The following SERAC1 variants were observed in gnomAD, a reference collection of about 807,000 sequenced individuals.
SERAC1 encodes serine active site containing 1.
Under a neutral mutation model 85.7 loss-of-function variants are expected in SERAC1, and 36 were observed. That is an observed-to-expected ratio of 0.42 (90% confidence interval 0.32 to 0.55). The LOEUF is 0.55. SERAC1 is among the 20% of genes least tolerant of loss of function. SERAC1 has a pLI of 0.11. For synonymous variants in SERAC1, 242 were observed against 265.3 expected, an observed-to-expected ratio of 0.91 and a Z score of 0.85; for missense variants, 629 against 796.2, an observed-to-expected ratio of 0.79 and a Z score of 2.53.
At chr6:158,141,856 C>A (rs1315028378) in intron 8 of SERAC1, among the ~76,000 whole-genome samples, 3 of 152,076 alleles carry the variant, frequency 2.0e-5, no homozygotes, top group Non-Finnish European at 4.4e-5. Flanking sequence ...AAGACATGGC[C>A]CAAAAGGGGA....
chr6:158,136,146 G>C lies in SERAC1; in HGVS notation c.739-5660C>G, dbSNP rs12525173. ...AAACTTAATGAAATGTATTATTTTC[G>C]CAATTATTTAAATTTGAAATTATTC... On this transcript the variant is annotated intron_variant, in intron 8 of 16. Coordinates refer to ENST00000647468, the MANE Select transcript of SERAC1 (RefSeq NM_032861.4). Among the ~76,000 whole-genome samples, 38 of 151,922 alleles carry C rather than the reference G, an allele frequency of 2.5e-4. 2 individuals carry two copies. Among genetic ancestry groups the C allele is most frequent in the Admixed American group, 1.3e-4 (2 of 15,246 alleles).
intron 6 of SERAC1, chr6:158,146,330 A>T (rs1019042441): frequency 1.3e-5 from 2 of 151,460 alleles, no homozygotes; most frequent in African/African-American, 4.9e-5. Context: ...AATTTTTCAA[A>T]TACTTTCTAT....
chr6:158,155,445 TATCAG>T, intron 2 of SERAC1, 94 bp from the exon 3 acceptor site: 1 of 693,320 alleles, frequency 1.4e-6, no homozygotes. Flanking sequence ...TATCATATAT[TATCAG>T]ATAAGAAGTT....
At chr6:158,158,247 A>T (rs1364649763) in intron 2 of SERAC1, 26 bp downstream of exon 2, 1 of 1,528,724 alleles carries the variant, frequency 6.5e-7, no homozygotes, top group Admixed American at 1.8e-5. Context: ...CTATAAGAAA[A>T]TAAGAGTTGT....
At chr6:158,162,921 C>T (rs1483680616) in intron 1 of SERAC1, among the ~76,000 whole-genome samples, 6 of 152,032 alleles carry the variant, frequency 3.9e-5, no homozygotes, top group African/African-American at 7.2e-5. Context: ...ATTGATCTTA[C>T]GAGTAACTTT....
intron 9 of SERAC1, among the ~76,000 whole-genome samples, chr6:158,128,811 A>G (rs2128415314): frequency 6.6e-6 from 1 of 152,328 alleles, no homozygotes; most frequent in East Asian, 1.9e-4. Flanking sequence ...TTTAAAAGAG[A>G]AAGATCAGGT....
At chr6:158,154,054 G>A (rs1264410736) in intron 3 of SERAC1, among the ~76,000 whole-genome samples, 1 of 150,808 alleles carries the variant, frequency 6.6e-6, no homozygotes, top group Non-Finnish European at 1.5e-5. Flanking sequence ...CAGCTATTTG[G>A]GAGGCTGAGG....
At chr6:158,133,526 T>C (rs1238238663) in intron 8 of SERAC1, among the ~76,000 whole-genome samples, 1 of 151,854 alleles carries the variant, frequency 6.6e-6, no homozygotes, top group Non-Finnish European at 1.5e-5. Context: ...GCTGGGACTA[T>C]AGGCATGTGC....
chr6:158,149,584 G>A (rs1412357290), intron 4 of SERAC1, among the ~76,000 whole-genome samples: 8 of 152,260 alleles, frequency 5.3e-5, no homozygotes, highest in Non-Finnish European at 8.8e-5. Context: ...CTCATGATGA[G>A]CTCGCCTCAA....
chr6:158,148,996 T>TC, intron 4 of SERAC1, 42 bp from the exon 5 acceptor site: 2 of 1,461,812 alleles, frequency 1.4e-6, no homozygotes, highest in Middle Eastern at 1.9e-4. Flanking sequence ...GAATGTATTT[T>TC]TTTTTTCTTT....
intron 10 of SERAC1, among the ~76,000 whole-genome samples, chr6:158,124,384 A>G (rs1784487991): frequency 6.6e-6 from 1 of 152,220 alleles, no homozygotes; most frequent in Non-Finnish European, 1.5e-5. Context: ...AAAGGACAAA[A>G]GAATAAATAT....
chr6:158,116,997 A>T (rs564315357), intron 13 of SERAC1: 1 of 153,218 alleles, frequency 6.5e-6, no homozygotes, highest in African/African-American at 2.4e-5. Context: ...GAACTTCAAA[A>T]CTATCTAGTC....
chr6:158,162,990 A>G (rs1170312974), intron 1 of SERAC1, among the ~76,000 whole-genome samples: 1 of 152,196 alleles, frequency 6.6e-6, no homozygotes, highest in East Asian at 1.9e-4. Context: ...GTGCACATCG[A>G]GGCTCCTGTC....
intron 7 of SERAC1, 121 bp from the exon 8 acceptor site, chr6:158,143,305 G>GTCTCTCTCTC (rs753181670): frequency 3.3e-6 from 2 of 606,110 alleles, no homozygotes; most frequent in Non-Finnish European, 4.8e-6. Flanking sequence ...ATGTGTGCAT[G>GTCTCTCTCTC]TCTCTCTCTC....
Position 158,117,424 on chromosome 6 carries a change from ATCACT to A in SERAC1, c.1403+298_1403+302del. The A allele has an allele frequency of 7.9e-7, 1 of 1,261,174 alleles. No individual in the cohort carries two copies. Among genetic ancestry groups the A allele is most frequent in the Non-Finnish European group, 1.1e-6 (1 of 914,900 alleles). 78.1% of individuals were successfully genotyped at this position (1,261,174 alleles called of 1,614,324 possible). A position where few individuals can be genotyped will look rare whatever the true frequency, so the allele number is the denominator to read the frequency against. On this transcript the variant is annotated intron_variant, in intron 13 of 16. Transcript: ENST00000647468. The surrounding 1 kb of genome is among the most constrained non-coding windows in gnomAD (Gnocchi z 4.3). The stretch of plus-strand genomic sequence containing the variant: ...ATTGTGGACACAAGAACAAAAAAAC[ATCACT>A]TTTACTTCTGATAGAAAAGGAGACT...
At chr6:158,136,101 C>T (rs181388367) in intron 8 of SERAC1, among the ~76,000 whole-genome samples, 2 of 152,136 alleles carry the variant, frequency 1.3e-5, no homozygotes, top group African/African-American at 4.8e-5. Context: ...TGAGCCACTG[C>T]GCCCAGCCAG....
intron 12 of SERAC1, 151 bp downstream of exon 12, chr6:158,118,878 T>C: frequency 1.1e-6 from 1 of 877,810 alleles, no homozygotes; most frequent in East Asian, 2.7e-5. Context: ...CAAGCCCAGT[T>C]GTTGTCAAAA....
At chr6:158,144,902 A>C (rs1414869105) in intron 6 of SERAC1, among the ~76,000 whole-genome samples, 1 of 152,214 alleles carries the variant, frequency 6.6e-6, no homozygotes. Context: ...TATCAAAAAC[A>C]AAATTCCAAC....
In SERAC1 at chr6:158,119,354, C is replaced by T. The variant is rs1784366517; in HGVS notation, c.1167-184G>A. Reference sequence around the variant, plus strand: ...TAGAAGGAGCTTTGGCAAAGACATACATGAAGCATGTTCACTGTTCTCTAA... The same window carrying T: ...TAGAAGGAGCTTTGGCAAAGACATATATGAAGCATGTTCACTGTTCTCTAA... On this transcript the variant is annotated intron_variant, in intron 11 of 16. Coordinates refer to ENST00000647468, the MANE Select transcript of SERAC1 (RefSeq NM_032861.4). This position sits in a 1 kb window ranked among gnomAD's most constrained non-coding sequence, Gnocchi z 4.5. Among the ~76,000 whole-genome samples, 1 of 152,196 alleles carries T rather than the reference C, an allele frequency of 6.6e-6. No individual in the cohort carries two copies. Among genetic ancestry groups the T allele is most frequent in the Non-Finnish European group, 1.5e-5 (1 of 68,044 alleles).
Sources: gnomAD v4.1 joint callset for allele counts (sites outside exome capture counted in the v4.1 genomes callset) on GRCh38, gnomAD v4.1.1 for gene constraint, Gnocchi (gnomAD v3.1) non-coding constraint, MANE v1.5 for transcripts, NCBI Gene and HGNC (gene_info 2026-07-23, HGNC 2026-07-21) for gene names.